HDGF: variants seen among roughly 807,000 people sequenced by gnomAD.
HDGF encodes heparin binding growth factor.
Under a neutral mutation model 30.0 loss-of-function variants are expected in HDGF, and 5 were observed. That is an observed-to-expected ratio of 0.17 (90% confidence interval 0.09 to 0.35). HDGF has a LOEUF of 0.35. Ranked by LOEUF, HDGF falls within the 10% of genes least tolerant of loss-of-function variation. HDGF has a pLI of 1.00. For synonymous variants in HDGF, 133 were observed against 112.7 expected (o/e 1.18, Z -1.14); for missense variants, 214 against 302.8 (o/e 0.71, Z 2.18).
intron 1 of HDGF, among the ~76,000 whole-genome samples, chr1:156,764,446 C>T (rs1028116180): frequency 6.6e-6 from 1 of 152,148 alleles, no homozygotes; most frequent in African/African-American, 2.4e-5. Flanking sequence ...ATCCGCCCGC[C>T]TCAGCCTCCC....
chr1:156,744,168 G>C lies in HDGF; in HGVS notation c.484C>G (p.Leu162Val). Residue 162 changes from leucine (L) to valine (V), a missense_variant, in exon 4 of 6, where the codon CTG becomes GTG. Transcript: ENST00000357325. Reference sequence around the variant, plus strand: ...CCTGGGCAGGCAGCAGTTACCTCCAGCAAGTCCCCTGCTCTCCTCTTCAAC... The same window carrying C: ...CCTGGGCAGGCAGCAGTTACCTCCACCAAGTCCCCTGCTCTCCTCTTCAAC... ...GALKRRAGDL[L>V]EDSPKRPKEA... is the part of the protein sequence containing the mutation. 1 of 1,613,992 alleles carries C rather than the reference G, an allele frequency of 6.2e-7. No homozygotes were observed.
chr1:156,747,242 TCCCCCCC>T (rs1650626648), intron 1 of HDGF, among the ~76,000 whole-genome samples: 1 of 19,374 alleles, frequency 5.2e-5, no homozygotes, highest in African/African-American at 2.2e-4. Flanking sequence ...CCCTCCCCCC[TCCCCCCC>T]GCCCCCCCCC....
At chr1:156,760,238 C>T (rs1258135886) in intron 1 of HDGF, among the ~76,000 whole-genome samples, 1 of 152,150 alleles carries the variant, frequency 6.6e-6, no homozygotes, top group Non-Finnish European at 1.5e-5. Flanking sequence ...TGCCATGGCT[C>T]TGAGCATGCC....
chr1:156,751,329 G>T lies in HDGF; in HGVS notation c.87+14C>A. ...CCCGCAGGGGGTTAGGGGGCGGCGG[G>T]CCGCGCTGCTCACCCGGGCCGGCCA... On this transcript the variant is annotated intron_variant, in intron 1 of 5. Coordinates refer to ENST00000357325, the MANE Select transcript of HDGF (RefSeq NM_004494.3). This position sits in a 1 kb window ranked among gnomAD's most constrained non-coding sequence, Gnocchi z 4.7. 6.2e-7 allele frequency: 1 copy of T among 1,605,080 alleles called. No individual in the cohort carries two copies. Among genetic ancestry groups the T allele is most frequent in the Non-Finnish European group, 8.5e-7 (1 of 1,175,404 alleles).
At chr1:156,758,429 A>C (rs1191678706) in intron 2 of HDGF, among the ~76,000 whole-genome samples, 1 of 151,736 alleles carries the variant, frequency 6.6e-6, no homozygotes, top group Non-Finnish European at 1.5e-5. Flanking sequence ...ATCTGTACTA[A>C]AAATACAAAA....
intron 2 of HDGF, among the ~76,000 whole-genome samples, chr1:156,757,947 C>T (rs1235912451): frequency 1.3e-5 from 2 of 152,118 alleles, no homozygotes; most frequent in Non-Finnish European, 2.9e-5. Context: ...CTATTGGACA[C>T]CTTTGTTCCA....
chr1:156,746,653 A>C (rs1288042132), intron 1 of HDGF, among the ~76,000 whole-genome samples: 1 of 151,994 alleles, frequency 6.6e-6, no homozygotes, highest in Non-Finnish European at 1.5e-5. Flanking sequence ...TGGCCTCGCC[A>C]GCCTCTCCCA....
intron 1 of HDGF, among the ~76,000 whole-genome samples, chr1:156,748,243 G>A (rs1650726534): frequency 6.6e-6 from 1 of 152,194 alleles, no homozygotes; most frequent in South Asian, 2.1e-4. Context: ...CCCTTCTACA[G>A]TGACACCTCT....
intron 3 of HDGF, 150 bp downstream of exon 3, chr1:156,744,858 C>G (rs1347380715): frequency 1.1e-6 from 1 of 894,038 alleles, no homozygotes; most frequent in African/African-American, 1.7e-5. Context: ...TCCCTTCTTG[C>G]AGGAAGCCCC....
chr1:156,744,607 C>A, intron 3 of HDGF: 1 of 1,444,004 alleles, frequency 6.9e-7, no homozygotes. Context: ...CAACTTCTCC[C>A]AAAGGGAGCT....
chr1:156,747,235 T>TCCCCCCCCCCA (rs1349728678), intron 1 of HDGF, among the ~76,000 whole-genome samples: 1 of 18,510 alleles, frequency 5.4e-5, no homozygotes, highest in Non-Finnish European at 9.9e-5. Flanking sequence ...TGACCGCCCC[T>TCCCCCCCCCCA]CCCCCCTCCC....
upstream of HDGF, among the ~76,000 whole-genome samples, chr1:156,756,068 T>C (rs1157977503): frequency 2.0e-5 from 3 of 152,178 alleles, no homozygotes; most frequent in African/African-American, 7.2e-5. Flanking sequence ...CTAGCCAACA[T>C]GGGGAAACCC....
Position 156,751,190 on chromosome 1 carries a change from C to T in HDGF, c.87+153G>A, listed in dbSNP as rs998347372. Among the ~76,000 whole-genome samples, 1 of 151,932 alleles carries T rather than the reference C, an allele frequency of 6.6e-6. No individual in the cohort carries two copies. Among genetic ancestry groups the T allele is most frequent in the South Asian group, 2.1e-4 (1 of 4,812 alleles). The stretch of plus-strand genomic sequence containing the variant: ...CCCGCCTCCACCATTATATAACCGG[C>T]GGGTGGGCTTGGAAGCGACAGAGAA... On this transcript the variant is annotated intron_variant, in intron 1 of 5. Transcript: ENST00000357325. This position sits in a 1 kb window ranked among gnomAD's most constrained non-coding sequence, Gnocchi z 4.7.
intron 1 of HDGF, chr1:156,747,491 G>C (rs925866580): frequency 2.0e-5 from 3 of 151,860 alleles, no homozygotes; most frequent in Non-Finnish European, 4.4e-5. Flanking sequence ...CCTGTTACCA[G>C]CTAGCTCCCA....
upstream of HDGF, chr1:156,752,565 A>G (rs1651047731): frequency 1.7e-6 from 1 of 594,720 alleles, no homozygotes; most frequent in Admixed American, 3.0e-5. Flanking sequence ...GGCTTCACAA[A>G]GGTGATGACT....
upstream of HDGF, chr1:156,752,189 T>C (rs922877143): frequency 2.6e-6 from 4 of 1,551,632 alleles, no homozygotes; most frequent in African/African-American, 4.1e-5. Context: ...GCCGTGCCGC[T>C]CCGCGCACTG....
At chr1:156,746,639 G>GCCA (rs1650567779) in intron 1 of HDGF, among the ~76,000 whole-genome samples, 1 of 152,196 alleles carries the variant, frequency 6.6e-6, no homozygotes, top group Non-Finnish European at 1.5e-5. Context: ...GAATCCAGAG[G>GCCA]CAGTGGCCTC....
At chr1:156,751,695 T>C, upstream of HDGF, 1 of 1,173,850 alleles carries the variant, frequency 8.5e-7, no homozygotes, top group South Asian at 3.0e-5. The surrounding 1 kb of genome is among the most constrained non-coding windows in gnomAD (Gnocchi z 4.7). Context: ...TGCTCCCTCC[T>C]CTGCGCGAGG....
At chr1:156,749,096 C>T (rs952076424) in intron 1 of HDGF, among the ~76,000 whole-genome samples, 2 of 152,228 alleles carry the variant, frequency 1.3e-5, no homozygotes, top group Non-Finnish European at 2.9e-5. Context: ...TGGAGTCACA[C>T]CATCCTTCCA....
Sources: gnomAD v4.1 joint callset for allele counts (sites outside exome capture counted in the v4.1 genomes callset) on GRCh38, gnomAD v4.1.1 for gene constraint, Gnocchi (gnomAD v3.1) non-coding constraint, MANE v1.5 for transcripts, NCBI Gene and HGNC (gene_info 2026-07-23, HGNC 2026-07-21) for gene names.